Variants in DCDC1 observed in about 807,000 individuals in gnomAD.
DCDC1 encodes the protein doublecortin domain containing 1.
DCDC1 carries 200 observed loss-of-function variants against 178.3 expected under a neutral mutation model. That is an observed-to-expected ratio of 1.12 (90% CI 1.00 to 1.26). The LOEUF is 1.26. DCDC1 is among the 50% of genes most tolerant of loss of function. DCDC1 has a pLI of 0.00. For missense variants in DCDC1, 1,983 were observed against 1,749.2 expected, an observed-to-expected ratio of 1.13 and a Z score of -2.38; for synonymous variants, 690 against 604.8, an observed-to-expected ratio of 1.14 and a Z score of -2.07.
At chr11:31,067,494 TG>T (rs1297997571) in intron 18 of DCDC1, among the ~76,000 whole-genome samples, 2 of 152,088 alleles carry the variant, frequency 1.3e-5, no homozygotes, top group Non-Finnish European at 2.9e-5. Context: ...GTCCTCAAAA[TG>T]TTAAATGTGG....
intron 20 of DCDC1, among the ~76,000 whole-genome samples, chr11:31,035,503 T>C (rs1482689840): frequency 6.6e-6 from 1 of 152,222 alleles, no homozygotes; most frequent in East Asian, 1.9e-4. Context: ...TGTCTAATGT[T>C]TTCTCATAAT....
In DCDC1 at chr11:30,881,286, C is replaced by A. The variant is rs375380625; in HGVS notation, c.5105G>T (p.Arg1702Leu). 24 of 1,613,232 alleles carry A rather than the reference C, an allele frequency of 1.5e-5. No individual in the cohort carries two copies. The highest frequency in any genetic ancestry group is 2.0e-5 in the Non-Finnish European group (23 of 1,179,472). ...ISELLQDCSS[R>L]LKMTHPARAL... The stretch of plus-strand genomic sequence containing the variant: ...TCTAGCTGGGTGGGTCATTTTGAGA[C>A]GAGAGGAGCAGTCTTGCAGCAGCTG... The change falls in exon 37 of 39, where the codon CGT becomes CTT. Residue 1702 changes from arginine (R) to leucine (L), a missense_variant. Transcript: ENST00000684477.
chr11:31,140,102 T>C (rs1259416955), intron 9 of DCDC1, among the ~76,000 whole-genome samples: 2 of 152,178 alleles, frequency 1.3e-5, no homozygotes, highest in Admixed American at 6.6e-5. Flanking sequence ...CCCCATGACA[T>C]GGTAACAATG....
intron 11 of DCDC1, among the ~76,000 whole-genome samples, chr11:31,117,971 G>GAGT (rs1960221015): frequency 6.6e-6 from 1 of 152,118 alleles, no homozygotes; most frequent in Admixed American, 6.6e-5. Context: ...GTCAGTAGCT[G>GAGT]AGTATGATGT....
intron 1 of DCDC1, among the ~76,000 whole-genome samples, chr11:31,354,200 C>T (rs1042732309): frequency 2.0e-5 from 3 of 152,134 alleles, no homozygotes; most frequent in Non-Finnish European, 4.4e-5. Context: ...GCAGGAGAAT[C>T]TCCTGAACCT....
At position 31,307,652 on chromosome 11, in the gene DCDC1, C is replaced by A; in HGVS notation, c.421G>T (p.Val141Leu). 1 of 1,614,016 alleles carries A rather than the reference C, an allele frequency of 6.2e-7. No individual in the cohort carries two copies. The highest frequency in any genetic ancestry group is 8.5e-7 in the Non-Finnish European group (1 of 1,179,914). ...SKRNRPVSAP[V>L]GQLRVAEFSS... Reference sequence around the variant, plus strand: ...AGCTTTGATTACCTCAGTTGACCCACTGGAGCACTGACAGGTCTGTTTCTC... The same window carrying A: ...AGCTTTGATTACCTCAGTTGACCCAATGGAGCACTGACAGGTCTGTTTCTC... Residue 141 changes from valine to leucine, a missense_variant, in exon 4 of 39, where the codon GTG (valine) becomes TTG (leucine). Val to Leu is a conservative substitution (Grantham distance 32, BLOSUM62 1). Coordinates refer to ENST00000684477, the MANE Select transcript of DCDC1 (RefSeq NM_001387274.1).
chr11:31,028,559 T>C (rs2135258342), intron 20 of DCDC1, among the ~76,000 whole-genome samples: 1 of 152,082 alleles, frequency 6.6e-6, no homozygotes, highest in South Asian at 2.1e-4. Context: ...GCATGATAAA[T>C]CTGAGGTAGT....
At chr11:30,945,612 G>C (rs747890681) in intron 21 of DCDC1, among the ~76,000 whole-genome samples, 52 of 152,082 alleles carry the variant, frequency 3.4e-4, no homozygotes, top group Middle Eastern at 6.9e-3. Context: ...AGAATCGCTT[G>C]AACCCAGGAG....
At chr11:30,971,856 G>A (rs1424096481) in intron 20 of DCDC1, among the ~76,000 whole-genome samples, 1 of 152,056 alleles carries the variant, frequency 6.6e-6, no homozygotes, top group African/African-American at 2.4e-5. Context: ...TGATCGGCCT[G>A]CCTCAGCCTC....
intron 11 of DCDC1, among the ~76,000 whole-genome samples, chr11:31,114,008 G>A (rs1009219146): frequency 5.3e-5 from 8 of 152,028 alleles, no homozygotes; most frequent in East Asian, 1.9e-4. Flanking sequence ...TTGGTGCCAG[G>A]CACTCTAGTG....
intron 30 of DCDC1, among the ~76,000 whole-genome samples, chr11:30,905,457 G>A (rs1193133592): frequency 6.6e-6 from 1 of 152,132 alleles, no homozygotes; most frequent in Non-Finnish European, 1.5e-5. Flanking sequence ...TCTCTGCCAT[G>A]GCCAGAGAGA....
chr11:31,158,062 C>T (rs1009332608), intron 9 of DCDC1, among the ~76,000 whole-genome samples: 3 of 152,024 alleles, frequency 2.0e-5, no homozygotes, highest in Admixed American at 2.0e-4. Context: ...AAAATCTACT[C>T]TCTTAGCAAT....
chr11:31,307,781 A>G lies in DCDC1; in HGVS notation c.292T>C (p.Ser98Pro). The change falls in exon 4 of 39, where the codon TCC becomes CCC. Residue 98 changes from serine (S) to proline (P), a missense_variant. Physicochemically the swap from Ser to Pro is moderately conservative, Grantham distance 74. Transcript: ENST00000684477. ...VSEGSGLQDC[S>P]THQTASDHSH... ...TGATCTGATGCTGTTTGATGTGTGG[A>G]GCAATCTTGAAGTCCTGACCCTTCT... The G allele has an allele frequency of 1.2e-5, 19 of 1,614,066 alleles. No individual in the cohort carries two copies. Among genetic ancestry groups the G allele is most frequent in the Non-Finnish European group, 1.6e-5 (19 of 1,179,990 alleles).
chr11:31,280,326 A>G (rs566233586), intron 7 of DCDC1, among the ~76,000 whole-genome samples: 4 of 152,314 alleles, frequency 2.6e-5, no homozygotes, highest in South Asian at 4.1e-4. Context: ...TCACATAACC[A>G]GTTACATACA....
chr11:31,312,075 A>C (rs1004484445), intron 3 of DCDC1, among the ~76,000 whole-genome samples: 3 of 152,096 alleles, frequency 2.0e-5, no homozygotes, highest in African/African-American at 7.2e-5. Context: ...CGAAACTCTG[A>C]AGCAGCTCAA....
chr11:31,157,242 T>C (rs915126756), intron 9 of DCDC1, among the ~76,000 whole-genome samples: 2 of 149,258 alleles, frequency 1.3e-5, no homozygotes, highest in African/African-American at 4.9e-5. Flanking sequence ...AATTAAAAAA[T>C]GAGCTGGGCA....
At chr11:31,280,987 T>C in intron 7 of DCDC1, 4 of 614,464 alleles carry the variant, frequency 6.5e-6, no homozygotes, top group South Asian at 5.6e-5. Flanking sequence ...ACATCACCCA[T>C]ATTTAATTCC....
intron 20 of DCDC1, among the ~76,000 whole-genome samples, chr11:31,016,064 T>C (rs558968323): frequency 6.6e-6 from 1 of 152,156 alleles, no homozygotes; most frequent in Non-Finnish European, 1.5e-5. Context: ...AAGAGGGGGG[T>C]TGGGTCCCAT....
chr11:31,175,726 T>G (rs909545978), intron 9 of DCDC1, among the ~76,000 whole-genome samples: 1 of 152,168 alleles, frequency 6.6e-6, no homozygotes, highest in Non-Finnish European at 1.5e-5. Context: ...ACCTCTGCCT[T>G]TAGCAAAACT....
Sources: allele counts gnomAD v4.1 joint callset (sites outside exome capture counted in the v4.1 genomes callset), GRCh38; gene constraint gnomAD v4.1.1; transcripts MANE v1.5; gene names NCBI Gene and HGNC (gene_info 2026-07-23, HGNC 2026-07-21).